PPP2R3A: variants seen among roughly 807,000 people sequenced by gnomAD.
PPP2R3A encodes the protein serine/threonine-protein phosphatase 2A regulatory subunit B'' subunit alpha.
A neutral mutation model predicts 106.9 loss-of-function variants in PPP2R3A; 80 were observed. That is an observed-to-expected ratio of 0.75 (90% confidence interval 0.62 to 0.90). The LOEUF (loss-of-function observed/expected upper bound fraction) is 0.90. Among genes scored for constraint, PPP2R3A ranks in the 40% least tolerant of loss-of-function variants. PPP2R3A has a pLI of 0.00. For synonymous variants in PPP2R3A, 483 were observed against 468.3 expected (o/e 1.03, Z -0.41); for missense variants, 1,386 against 1,350.4 (o/e 1.03, Z -0.41).
At chr3:136,141,808 G>A (rs1263648956) in intron 13 of PPP2R3A, among the ~76,000 whole-genome samples, 2 of 152,152 alleles carry the variant, frequency 1.3e-5, no homozygotes, top group Non-Finnish European at 2.9e-5. Flanking sequence ...AGAAAGTATG[G>A]TACCCTGAAC....
intron 6 of PPP2R3A, among the ~76,000 whole-genome samples, chr3:136,072,090 T>C (rs1312315392): frequency 6.6e-6 from 1 of 152,146 alleles, no homozygotes; most frequent in Admixed American, 6.6e-5. Flanking sequence ...TTTTTGTTTG[T>C]CCATCTCCTA....
rs376700145 is a variant in PPP2R3A at position 136,082,702 on chromosome 3, G to A, written c.2788+281G>A. On this transcript the variant is annotated intron_variant, in intron 8 of 13. Coordinates refer to ENST00000264977, the MANE Select transcript of PPP2R3A (RefSeq NM_002718.5). ...ATACTGGTGTGTATTTTCTGATGAT[G>A]AATTGAATAAGATCCACACCTGTTT... is the stretch of plus-strand genomic sequence containing the variant. Among the ~76,000 whole-genome samples, 9 of 152,294 alleles carry A rather than the reference G, an allele frequency of 5.9e-5. No homozygotes were observed. In the South Asian group the frequency reaches 1.7e-3, roughly 28 times the overall value.
At chr3:136,011,877 A>G (rs1031732714) in intron 2 of PPP2R3A, among the ~76,000 whole-genome samples, 1 of 152,180 alleles carries the variant, frequency 6.6e-6, no homozygotes, top group Non-Finnish European at 1.5e-5. Context: ...TACTTCCAGC[A>G]TAATGCTCAT....
Position 136,070,502 on chromosome 3 carries a change from C to T in PPP2R3A, c.2494C>T (p.Leu832Phe). ...LQDVVDTHPG[L>F]TFLKDAPEFH... Reference sequence around the variant, plus strand: ...GGATGTGGTGGATACCCACCCTGGTCTCACGTTCCTGAAAGATGCTCCAGA... The same window carrying T: ...GGATGTGGTGGATACCCACCCTGGTTTCACGTTCCTGAAAGATGCTCCAGA... The change falls in exon 6 of 14, where the codon CTC (leucine) becomes TTC (phenylalanine). Residue 832 changes from leucine (L) to phenylalanine (F), a missense_variant. Physicochemically the swap from Leu to Phe is conservative, Grantham distance 22. Transcript: ENST00000264977. 1 of 1,609,854 alleles carries T rather than the reference C, an allele frequency of 6.2e-7. No homozygotes were observed. The highest frequency in any genetic ancestry group is 8.5e-7 in the Non-Finnish European group (1 of 1,178,548).
At chr3:136,069,365 C>A (rs1449305881) in intron 5 of PPP2R3A, among the ~76,000 whole-genome samples, 1 of 152,040 alleles carries the variant, frequency 6.6e-6, no homozygotes, top group Non-Finnish European at 1.5e-5. Context: ...TCACTTGACA[C>A]CAGTAGTTCA....
At chr3:136,052,685 T>G (rs906213419) in intron 5 of PPP2R3A, among the ~76,000 whole-genome samples, 4 of 152,206 alleles carry the variant, frequency 2.6e-5, no homozygotes, top group Admixed American at 2.0e-4. Context: ...CTAAGAAAAT[T>G]AGAAACAGAC....
At chr3:136,063,942 A>G (rs1252635215) in intron 5 of PPP2R3A, among the ~76,000 whole-genome samples, 1 of 150,390 alleles carries the variant, frequency 6.6e-6, no homozygotes, top group Non-Finnish European at 1.5e-5. Flanking sequence ...ATTATAAATC[A>G]TGCTGCTATA....
At chr3:136,082,097 A>G (rs1451467142) in intron 7 of PPP2R3A, among the ~76,000 whole-genome samples, 168 bp from the exon 8 acceptor site, 1 of 152,092 alleles carries the variant, frequency 6.6e-6, no homozygotes, top group Non-Finnish European at 1.5e-5. Context: ...ATGCTTATAG[A>G]TTGATTGGTT....
chr3:136,080,114 T>G (rs1576486774), intron 7 of PPP2R3A, among the ~76,000 whole-genome samples: 1 of 152,152 alleles, frequency 6.6e-6, no homozygotes, highest in Admixed American at 6.6e-5. Context: ...ATTTTGAGGG[T>G]TTTCAAAAAA....
chr3:136,140,228 G>T (rs984806793), intron 13 of PPP2R3A, among the ~76,000 whole-genome samples: 1 of 151,924 alleles, frequency 6.6e-6, no homozygotes, highest in Non-Finnish European at 1.5e-5. Flanking sequence ...AACATACTTT[G>T]TTCTCCACGT....
intron 13 of PPP2R3A, among the ~76,000 whole-genome samples, chr3:136,123,210 G>A (rs1194730513): frequency 1.3e-5 from 2 of 151,992 alleles, no homozygotes; most frequent in African/African-American, 4.8e-5. Flanking sequence ...GGTATGGTGG[G>A]GTACAGGAGA....
In PPP2R3A at chr3:136,003,212, C is replaced by G; in HGVS notation, c.1714C>G (p.Leu572Val). 1 of 1,613,926 alleles carries G rather than the reference C, an allele frequency of 6.2e-7. No individual in the cohort carries two copies. The highest frequency in any genetic ancestry group is 8.5e-7 in the Non-Finnish European group (1 of 1,179,872). ...CATAGAAAAAGTCTCACCTTCCTGT[C>G]TAACAAGGATTATTGAAACCAATGG... ...SPIEKVSPSC[L>V]TRIIETNGHK... The change falls in exon 2 of 14, where the codon CTA (leucine) becomes GTA (valine). Residue 572 changes from leucine to valine, a missense_variant. Coordinates refer to ENST00000264977, the MANE Select transcript of PPP2R3A (RefSeq NM_002718.5).
chr3:136,033,431 C>G (rs1934975879), intron 3 of PPP2R3A, among the ~76,000 whole-genome samples: 1 of 152,172 alleles, frequency 6.6e-6, no homozygotes, highest in Admixed American at 6.5e-5. Flanking sequence ...CCCTGTTTCT[C>G]TGTCTTGTGG....
intron 6 of PPP2R3A, among the ~76,000 whole-genome samples, chr3:136,076,952 G>GAA (rs397942257): frequency 4.1e-4 from 44 of 107,940 alleles, no homozygotes; most frequent in Non-Finnish European, 6.9e-4. Flanking sequence ...GTCTCAGAAA[G>GAA]AAAAAAAAAA....
At chr3:136,122,280 C>A (rs1042515782) in intron 13 of PPP2R3A, among the ~76,000 whole-genome samples, 1 of 152,122 alleles carries the variant, frequency 6.6e-6, no homozygotes, top group Non-Finnish European at 1.5e-5. Context: ...ATGATCACAC[C>A]ACTGCACTCC....
At chr3:136,052,758 T>A (rs1360558953) in intron 5 of PPP2R3A, among the ~76,000 whole-genome samples, 1 of 152,186 alleles carries the variant, frequency 6.6e-6, no homozygotes, top group Non-Finnish European at 1.5e-5. Context: ...TAAGGAGAAA[T>A]CTTATTTGTA....
At chr3:136,094,783 A>G (rs1343999354) in intron 10 of PPP2R3A, among the ~76,000 whole-genome samples, 1 of 152,230 alleles carries the variant, frequency 6.6e-6, no homozygotes, top group East Asian at 1.9e-4. Flanking sequence ...ATTTAATTGT[A>G]TTCTTACAGT....
chr3:135,991,001 G>C (rs1385733587), intron 1 of PPP2R3A, among the ~76,000 whole-genome samples: 2 of 152,024 alleles, frequency 1.3e-5, no homozygotes, highest in African/African-American at 4.8e-5. Context: ...CCAAGTTCCT[G>C]CTAGCTCCCA....
intron 5 of PPP2R3A, among the ~76,000 whole-genome samples, chr3:136,053,495 G>A (rs901936470): frequency 9.2e-5 from 14 of 152,260 alleles, no homozygotes; most frequent in African/African-American, 3.1e-4. Flanking sequence ...TGTAAATTCA[G>A]GACTGACTGA....
Sources: allele counts gnomAD v4.1 joint callset (sites outside exome capture counted in the v4.1 genomes callset), GRCh38; gene constraint gnomAD v4.1.1; transcripts MANE v1.5; gene names NCBI Gene and HGNC (gene_info 2026-07-23, HGNC 2026-07-21).